GPC6: variants seen among roughly 807,000 people sequenced by gnomAD.
GPC6 encodes glypican-6.
Under a neutral mutation model 55.2 loss-of-function variants are expected in GPC6, and 14 were observed. The observed-to-expected ratio is 0.25, with a 90% CI of 0.17 to 0.40. GPC6 has a LOEUF of 0.40. Ranked by LOEUF, GPC6 falls within the 10% of genes least tolerant of loss-of-function variation. The pLI is 1.00. For synonymous variants in GPC6, 278 were observed against 259.6 expected, an observed-to-expected ratio of 1.07 and a Z score of -0.68; for missense variants, 641 against 708.5, an observed-to-expected ratio of 0.90 and a Z score of 1.08.
intron 2 of GPC6, among the ~76,000 whole-genome samples, chr13:93,806,323 G>T (rs1050250377): frequency 3.3e-5 from 5 of 151,670 alleles, no homozygotes; most frequent in Admixed American, 1.3e-4. Context: ...TTTTTCACTT[G>T]CCACAATTTT....
chr13:93,862,121 A>G (rs1230789830), intron 3 of GPC6, among the ~76,000 whole-genome samples: 1 of 151,712 alleles, frequency 6.6e-6, no homozygotes, highest in Non-Finnish European at 1.5e-5. Flanking sequence ...CAGAAATGAC[A>G]GCACAGTAAA....
chr13:93,371,828 A>C (rs2139192252), intron 1 of GPC6, among the ~76,000 whole-genome samples: 1 of 152,266 alleles, frequency 6.6e-6, no homozygotes, highest in Admixed American at 6.5e-5. Flanking sequence ...AGGCAAAAAA[A>C]GACTCTTAGG....
intron 1 of GPC6, among the ~76,000 whole-genome samples, chr13:93,424,928 G>A (rs1877067758): frequency 6.6e-6 from 1 of 152,038 alleles, no homozygotes. Context: ...ATGGATGTTT[G>A]GTTATGGGAC....
chr13:93,731,174 A>T (rs1260879200), intron 2 of GPC6, among the ~76,000 whole-genome samples: 1 of 152,156 alleles, frequency 6.6e-6, no homozygotes, highest in East Asian at 1.9e-4. Context: ...GAAAATGAAG[A>T]GGGCCATCGT....
intron 2 of GPC6, among the ~76,000 whole-genome samples, chr13:93,823,522 G>A (rs1390853428): frequency 6.6e-6 from 1 of 151,840 alleles, no homozygotes; most frequent in African/African-American, 2.4e-5. Context: ...TCTGATGCCC[G>A]TTAGAAGTCA....
chr13:93,220,092 T>G, the GPC6 span, among the ~76,000 whole-genome samples: 1 of 152,188 alleles, frequency 6.6e-6, no homozygotes, highest in African/African-American at 2.4e-5. Flanking sequence ...AAACTAAGTC[T>G]GTCATACTGC....
At chr13:94,021,910 A>G (rs1385635635) in intron 3 of GPC6, among the ~76,000 whole-genome samples, 1 of 152,088 alleles carries the variant, frequency 6.6e-6, no homozygotes, top group East Asian at 1.9e-4. Flanking sequence ...AATTGGAACA[A>G]TTGACTATTT....
chr13:94,009,251 C>T (rs191234591), intron 3 of GPC6, among the ~76,000 whole-genome samples: 13 of 152,202 alleles, frequency 8.5e-5, no homozygotes, highest in African/African-American at 2.9e-4. Context: ...TGTATTGAAA[C>T]ATAAATGGTT....
intron 1 of GPC6, among the ~76,000 whole-genome samples, chr13:93,484,273 G>A (rs2139345644): frequency 6.6e-6 from 1 of 152,108 alleles, no homozygotes; most frequent in East Asian, 1.9e-4. Flanking sequence ...TATCACTTTA[G>A]GAAGTGAAAC....
intron 2 of GPC6, among the ~76,000 whole-genome samples, chr13:93,629,224 T>C (rs1055440538): frequency 2.6e-5 from 4 of 152,112 alleles, no homozygotes; most frequent in Non-Finnish European, 5.9e-5. Context: ...GGTAAATATA[T>C]TGAAAATTGG....
chr13:93,931,050 A>T (rs1320774154), intron 3 of GPC6, among the ~76,000 whole-genome samples: 1 of 152,146 alleles, frequency 6.6e-6, no homozygotes, highest in African/African-American at 2.4e-5. Flanking sequence ...GGGCAGCACC[A>T]AAGGTATGGT....
At chr13:93,547,696 T>A (rs1050742417) in intron 2 of GPC6, among the ~76,000 whole-genome samples, 14 of 152,220 alleles carry the variant, frequency 9.2e-5, no homozygotes, top group African/African-American at 2.9e-4. Context: ...AAGATTTTGT[T>A]TTTTTTGGAG....
chr13:94,223,981 A>T (rs1308549534), intron 4 of GPC6, among the ~76,000 whole-genome samples: 2 of 152,226 alleles, frequency 1.3e-5, no homozygotes, highest in South Asian at 4.1e-4. Flanking sequence ...CACACTGTCA[A>T]CAAGTGTCCT....
intron 1 of GPC6, among the ~76,000 whole-genome samples, chr13:93,294,271 A>AAAT (rs1281342094): frequency 3.3e-5 from 5 of 152,318 alleles, no homozygotes; most frequent in Admixed American, 3.3e-4. Context: ...TTCAATAAGA[A>AAAT]AATAATAATA....
At chr13:93,527,906 C>T (rs975060121) in intron 1 of GPC6, among the ~76,000 whole-genome samples, 1 of 152,082 alleles carries the variant, frequency 6.6e-6, no homozygotes, top group Non-Finnish European at 1.5e-5. Context: ...TAGACTGTAC[C>T]ATAGATCTTG....
chr13:93,805,123 G>A (rs1467439579), intron 2 of GPC6, among the ~76,000 whole-genome samples: 1 of 152,070 alleles, frequency 6.6e-6, no homozygotes, highest in Non-Finnish European at 1.5e-5. Flanking sequence ...TAAGAAAGCG[G>A]TAATGAGGTT....
chr13:93,479,322 A>G (rs1200766424), intron 1 of GPC6, among the ~76,000 whole-genome samples: 1 of 152,222 alleles, frequency 6.6e-6, no homozygotes, highest in Non-Finnish European at 1.5e-5. Flanking sequence ...CTGAGCTTGG[A>G]AGCAAACCTA....
chr13:93,361,964 A>G (rs571140029), intron 1 of GPC6, among the ~76,000 whole-genome samples: 2 of 152,290 alleles, frequency 1.3e-5, no homozygotes, highest in South Asian at 4.1e-4. Context: ...TTCACTTGTG[A>G]CTGGATGATC....
chr13:93,679,995 GC>G (rs1342261358), intron 2 of GPC6, among the ~76,000 whole-genome samples: 2 of 152,186 alleles, frequency 1.3e-5, no homozygotes, highest in East Asian at 3.9e-4. Context: ...GGAAAAATAT[GC>G]CCTCTCAGTT....
Sources: allele counts gnomAD v4.1 joint callset (sites outside exome capture counted in the v4.1 genomes callset), GRCh38; gene constraint gnomAD v4.1.1; transcripts MANE v1.5; gene names NCBI Gene and HGNC (gene_info 2026-07-23, HGNC 2026-07-21).